The following DAB1 variants were observed in gnomAD, a reference collection of about 807,000 sequenced individuals.
The protein encoded by DAB1 is disabled homolog 1.
DAB1 carries 15 observed loss-of-function variants against 64.6 expected under a neutral mutation model. The observed-to-expected ratio is 0.23, with a 90% CI of 0.16 to 0.36. The LOEUF (loss-of-function observed/expected upper bound fraction) is 0.36. DAB1 is among the 10% of genes least tolerant of loss of function. DAB1 has a pLI of 1.00. For synonymous variants in DAB1, 235 were observed against 251.9 expected, an observed-to-expected ratio of 0.93 and a Z score of 0.64; for missense variants, 596 against 706.7, an observed-to-expected ratio of 0.84 and a Z score of 1.78.
At chr1:57,157,884 T>C (rs1203131508) in intron 2 of DAB1, among the ~76,000 whole-genome samples, 2 of 152,040 alleles carry the variant, frequency 1.3e-5, no homozygotes, top group Non-Finnish European at 2.9e-5. Flanking sequence ...CACAACAACC[T>C]TGGAGGAAAG....
At chr1:57,834,579 GCA>G (rs939128614) in intron 1 of DAB1, among the ~76,000 whole-genome samples, 7 of 151,568 alleles carry the variant, frequency 4.6e-5, no homozygotes, top group African/African-American at 1.7e-4. Context: ...TTTTATATAT[GCA>G]CACAGTTTTT....
intron 5 of DAB1, chr1:58,047,902 T>C (rs1278917613): frequency 1.6e-5 from 6 of 370,984 alleles, no homozygotes; most frequent in Non-Finnish European, 3.0e-5. Flanking sequence ...ATCAACAGCA[T>C]GGGTGCAAAA....
At chr1:57,003,173 G>T (rs1157300152) in intron 14 of DAB1, among the ~76,000 whole-genome samples, 1 of 152,208 alleles carries the variant, frequency 6.6e-6, no homozygotes, top group Admixed American at 6.5e-5. Flanking sequence ...AAACAACCTG[G>T]CTGCAGGGCC....
chr1:57,138,993 C>T (rs1414009929), intron 3 of DAB1, among the ~76,000 whole-genome samples: 1 of 152,126 alleles, frequency 6.6e-6, no homozygotes, highest in East Asian at 1.9e-4. Flanking sequence ...GTGACTTTCC[C>T]TCACTTGACT....
chr1:57,883,631 A>G (rs1644178981), intron 1 of DAB1, among the ~76,000 whole-genome samples: 1 of 152,242 alleles, frequency 6.6e-6, no homozygotes, highest in Non-Finnish European at 1.5e-5. Context: ...TTAGGCAGCC[A>G]AGATAGCAGG....
intron 2 of DAB1, among the ~76,000 whole-genome samples, chr1:57,283,336 T>C (rs1432572619): frequency 6.6e-6 from 1 of 152,206 alleles, no homozygotes. Context: ...TCTTACCAAC[T>C]ACCCCATATT....
chr1:57,658,443 A>G (rs1646343929), intron 6 of DAB1, among the ~76,000 whole-genome samples: 1 of 151,316 alleles, frequency 6.6e-6, no homozygotes. Flanking sequence ...AGCTGGGACT[A>G]CAGGCGCCCA....
chr1:58,509,139 A>G (rs1646034438), intron 2 of DAB1, among the ~76,000 whole-genome samples: 1 of 152,186 alleles, frequency 6.6e-6, no homozygotes, highest in Non-Finnish European at 1.5e-5. Flanking sequence ...TAATGTGTAG[A>G]TATCAACAAT....
chr1:57,671,625 C>T (rs1241917940), intron 6 of DAB1, among the ~76,000 whole-genome samples: 1 of 152,070 alleles, frequency 6.6e-6, no homozygotes, highest in Non-Finnish European at 1.5e-5. Context: ...CCATTATTTT[C>T]GAATCACATA....
intron 2 of DAB1, among the ~76,000 whole-genome samples, chr1:58,520,808 C>T (rs79830786): frequency 0.015 from 2,227 of 151,966 alleles, 55 homozygotes; most frequent in African/African-American, 0.05. Context: ...AAGATGTACA[C>T]GGCAAAAATT....
At chr1:58,330,678 A>G (rs2100494234) in intron 4 of DAB1, among the ~76,000 whole-genome samples, 1 of 152,334 alleles carries the variant, frequency 6.6e-6, no homozygotes, top group East Asian at 1.9e-4. Flanking sequence ...AGGGCCTTTA[A>G]GAATTATGTT....
At chr1:57,357,424 T>G (rs2100882728) in intron 1 of DAB1, among the ~76,000 whole-genome samples, 1 of 152,040 alleles carries the variant, frequency 6.6e-6, no homozygotes, top group South Asian at 2.1e-4. Flanking sequence ...GTCTGGTGCT[T>G]TACCAACCCC....
At chr1:57,638,105 T>C (rs748532505) in intron 7 of DAB1, among the ~76,000 whole-genome samples, 1 of 152,140 alleles carries the variant, frequency 6.6e-6, no homozygotes, top group Non-Finnish European at 1.5e-5. Context: ...CTAGAAAAAA[T>C]AAATATACCC....
intron 3 of DAB1, among the ~76,000 whole-genome samples, chr1:58,374,787 C>T (rs1480774237): frequency 2.9e-5 from 4 of 138,430 alleles, no homozygotes; most frequent in Non-Finnish European, 4.8e-5. Context: ...GCCATTTTCA[C>T]GATCTTGATT....
chr1:58,252,787 G>A (rs1660834366), intron 4 of DAB1, among the ~76,000 whole-genome samples: 2 of 152,276 alleles, frequency 1.3e-5, no homozygotes, highest in South Asian at 4.1e-4. Flanking sequence ...AAGCCCAGGT[G>A]CTTCAAATGA....
chr1:57,369,167 A>G lies in DAB1; in HGVS notation c.-137+54763T>C, dbSNP rs543419300. On this transcript the variant is annotated intron_variant, in intron 1 of 14. Coordinates refer to ENST00000371236, the MANE Select transcript of DAB1 (RefSeq NM_001365792.1). ...CACTTGCTAAGCAGCAAGGCAGGCAATCTCTCCAGGCCTAGGTCTTCATTT... is the reference window on the plus strand; with the variant it reads ...CACTTGCTAAGCAGCAAGGCAGGCAGTCTCTCCAGGCCTAGGTCTTCATTT... 1.3e-4 allele frequency among the ~76,000 whole-genome samples: 20 copies of G among 152,306 alleles called. No homozygotes were observed. In the South Asian group the frequency reaches 4.1e-3, roughly 32 times the overall value.
chr1:57,112,794 T>C (rs1242289963), intron 4 of DAB1, among the ~76,000 whole-genome samples: 2 of 152,012 alleles, frequency 1.3e-5, no homozygotes, highest in African/African-American at 4.8e-5. Flanking sequence ...CAAATGCTAA[T>C]TCAGCCCTAA....
intron 5 of DAB1, among the ~76,000 whole-genome samples, chr1:57,907,760 C>T (rs1383756515): frequency 1.3e-5 from 2 of 151,958 alleles, no homozygotes; most frequent in African/African-American, 2.4e-5. Context: ...ATTAAAGTCA[C>T]GCGTTGCTTA....
At chr1:57,863,675 G>A (rs1426591049) in intron 1 of DAB1, among the ~76,000 whole-genome samples, 1 of 152,192 alleles carries the variant, frequency 6.6e-6, no homozygotes, top group African/African-American at 2.4e-5. Context: ...CTCAGGAACA[G>A]AGGTGTTATG....
Sources: allele counts gnomAD v4.1 joint callset (sites outside exome capture counted in the v4.1 genomes callset), GRCh38; gene constraint gnomAD v4.1.1; transcripts MANE v1.5; gene names NCBI Gene and HGNC (gene_info 2026-07-23, HGNC 2026-07-21).